The following DNHD1 variants were observed in gnomAD, a reference collection of about 807,000 sequenced individuals.
DNHD1 encodes dynein heavy chain domain-containing protein 1.
A neutral mutation model predicts 458.1 loss-of-function variants in DNHD1; 383 were observed. The ratio of observed to expected loss-of-function variants is 0.84; its 90% CI spans 0.77 to 0.91. DNHD1 has a LOEUF of 0.91. Ranked by LOEUF, DNHD1 falls within the 40% of genes least tolerant of loss-of-function variation. The pLI is 0.00. For synonymous variants in DNHD1, 2,203 were observed against 2,376.9 expected, an observed-to-expected ratio of 0.93 and a Z score of 2.13; for missense variants, 5,336 against 5,866.1, an observed-to-expected ratio of 0.91 and a Z score of 2.95.
chr11:6,519,960 T>TA lies in DNHD1; in HGVS notation c.1648-4dup, dbSNP rs763833968. ...CTCGACCTTTCCTGACCCTTTTTTT[T>TA]ACAGGCCCCAAGGCAGAAACCCTTT... On this transcript the variant is annotated splice_region_variant and splice_polypyrimidine_tract_variant and intron_variant, in intron 8 of 42. Coordinates refer to ENST00000254579, the MANE Select transcript of DNHD1 (RefSeq NM_144666.3). 23 of 1,614,022 alleles carry TA rather than the reference T, an allele frequency of 1.4e-5. No homozygotes were observed. The East Asian group carries it at 5.1e-4, about 36-fold the overall frequency.
chr11:6,565,898 T>G lies in DNHD1; in HGVS notation c.10960T>G (p.Tyr3654Asp). 6.4e-7 allele frequency: 1 copy of G among 1,551,656 alleles called. No homozygotes were observed. ...AGAGAGCCAGGGGTCAAAGCCAGCC[T>G]ATGAGACTCAGCTTCCATCCCTTCC... is the stretch of plus-strand genomic sequence containing the variant. ...KTESQGSKPAYETQLPSLPYL... is the reference protein window; with the variant it reads ...KTESQGSKPADETQLPSLPYL... The change falls in exon 33 of 43, where the codon TAT becomes GAT. Residue 3654 changes from tyrosine (Y) to aspartate (D), a missense_variant. By Grantham distance (160) the Tyr-to-Asp change is radical. Coordinates refer to ENST00000254579, the MANE Select transcript of DNHD1 (RefSeq NM_144666.3).
At chr11:6,520,872 T>A (rs1852592412) in intron 10 of DNHD1, 1 of 986,060 alleles carries the variant, frequency 1.0e-6, no homozygotes, top group Non-Finnish European at 1.2e-6. Flanking sequence ...CAGTCACATC[T>A]GACTCGTCCA....
chr11:6,537,798 G>A (rs190723859), intron 14 of DNHD1, among the ~76,000 whole-genome samples: 2 of 152,294 alleles, frequency 1.3e-5, no homozygotes, highest in African/African-American at 4.8e-5. Context: ...TGACATGGTG[G>A]TGTGCGCCTG....
At chr11:6,503,844 G>A (rs1852182999) in intron 4 of DNHD1, 1 of 152,112 alleles carries the variant, frequency 6.6e-6, no homozygotes, top group Non-Finnish European at 1.5e-5. Context: ...TGTAATAATT[G>A]CCTTTAACCA....
Position 6,510,326 on chromosome 11 carries a change from C to A in DNHD1, c.1236-947C>A, listed in dbSNP as rs188916455. On this transcript the variant is annotated intron_variant, in intron 6 of 42. Transcript: ENST00000254579. ...TCTTGAACTCCTGACCTCAGGTGAT[C>A]CACCCACCTCGACCTCCCAAAGTGC... Among the ~76,000 whole-genome samples the A allele has an allele frequency of 3.9e-5, 6 of 152,236 alleles. No individual in the cohort carries two copies. The East Asian group carries it at 1.2e-3, about 29-fold the overall frequency.
At chr11:6,542,552 G>A (rs950266700) in intron 18 of DNHD1, among the ~76,000 whole-genome samples, 2 of 152,116 alleles carry the variant, frequency 1.3e-5, no homozygotes, top group Non-Finnish European at 2.9e-5. Context: ...CTCCCTATGG[G>A]TTCTCTCCTT....
chr11:6,533,272 C>A, intron 13 of DNHD1, 88 bp downstream of exon 13: 1 of 1,314,234 alleles, frequency 7.6e-7, no homozygotes, highest in Non-Finnish European at 1.0e-6. Flanking sequence ...CTCTGCTGAG[C>A]CCCCAGCAGA....
chr11:6,503,588 A>G (rs537932941), intron 4 of DNHD1: 1 of 152,316 alleles, frequency 6.6e-6, no homozygotes, highest in South Asian at 2.1e-4. Flanking sequence ...GGCTCAAGCA[A>G]TCCTCTCACT....
chr11:6,516,023 G>T (rs961471916), intron 7 of DNHD1, among the ~76,000 whole-genome samples: 3 of 151,808 alleles, frequency 2.0e-5, no homozygotes, highest in Admixed American at 6.6e-5. Flanking sequence ...CCAAGCTCAA[G>T]TGATCCTCCC....
At position 6,571,324 on chromosome 11, in the gene DNHD1, G is replaced by GA. The variant is rs778026468; in HGVS notation, c.13814dup (p.Asn4605LysfsTer10). ...TGCGTGGGGAAGCTGCCCTGGACCA[G>GA]AATGTGCCCAGCTCGAATTTCCCTG... On this transcript the variant is annotated frameshift_variant, in exon 42 of 43. Transcript: ENST00000254579. LOFTEE classifies it high-confidence loss of function. This position sits in a 1 kb window ranked among gnomAD's most constrained non-coding sequence, Gnocchi z 5.0. 1 of 1,612,380 alleles carries GA rather than the reference G, an allele frequency of 6.2e-7. No homozygotes were observed. Among genetic ancestry groups the GA allele is most frequent in the African/African-American group, 1.3e-5 (1 of 74,922 alleles).
At position 6,557,607 on chromosome 11, in the gene DNHD1, A is replaced by G. The variant is rs1853495270; in HGVS notation, c.8312A>G (p.Glu2771Gly). 2 of 1,551,824 alleles carry G rather than the reference A, an allele frequency of 1.3e-6. No individual in the cohort carries two copies. The highest frequency in any genetic ancestry group is 1.7e-4 in the Middle Eastern group (1 of 5,992). The part of the protein sequence containing the change: ...KESISHKIRQ[E>G]KGTRASNYRL... ...AGCATAAGTCACAAGATAAGGCAAG[A>G]GAAAGGCACAAGGGCATCCAACTAT... The change falls in exon 25 of 43, where the codon GAG (glutamate) becomes GGG (glycine). Residue 2771 changes from glutamate to glycine, a missense_variant. Physicochemically the swap from Glu to Gly is moderately conservative, Grantham distance 98 (BLOSUM62 -2). Transcript: ENST00000254579.
At position 6,571,724 on chromosome 11, in the gene DNHD1, C is replaced by T. The variant is rs1853856763; in HGVS notation, c.14000C>T (p.Ala4667Val). ...QVLHAEWDPI[A>V]GALQDSPSSQ... is the part of the protein sequence containing the mutation. ...CTACATGCGGAGTGGGACCCAATAG[C>T]TGGAGCCTTGCAGGACAGTCCTTCC... The change falls in exon 43 of 43, where the codon GCT (alanine) becomes GTT (valine). Residue 4667 changes from alanine (A) to valine (V), a missense_variant. Around this residue, in one of 4 missense-constraint regions of DNHD1, gnomAD observed 698 missense variants for 664.9 expected, o/e 1.05. Coordinates refer to ENST00000254579, the MANE Select transcript of DNHD1 (RefSeq NM_144666.3). The surrounding 1 kb of genome is among the most constrained non-coding windows in gnomAD (Gnocchi z 5.0). The T allele has an allele frequency of 6.2e-7, 1 of 1,612,668 alleles. No homozygotes were observed. Among genetic ancestry groups the T allele is most frequent in the African/African-American group, 1.3e-5 (1 of 74,994 alleles).
chr11:6,537,143 G>A (rs892283142), intron 14 of DNHD1, among the ~76,000 whole-genome samples: 4 of 152,050 alleles, frequency 2.6e-5, no homozygotes, highest in Admixed American at 6.5e-5. Context: ...TGCAAACCTC[G>A]ATATTATAAT....
At chr11:6,556,601 G>T (rs1044569894) in intron 24 of DNHD1, 82 bp from the exon 25 acceptor site, 6 of 1,349,196 alleles carry the variant, frequency 4.4e-6, no homozygotes, top group Non-Finnish European at 6.0e-6. Context: ...TTAGAACCGT[G>T]TGTGGCAGGA....
Position 6,505,352 on chromosome 11 carries a change from A to C in DNHD1, c.920+2426A>C, listed in dbSNP as rs182923841. ...CTCCGCATCTCCGCCTCCCAGGTTCAAGCGATTCTCCTGCCACAGCCTCCC... is the reference window on the plus strand; with the variant it reads ...CTCCGCATCTCCGCCTCCCAGGTTCCAGCGATTCTCCTGCCACAGCCTCCC... On this transcript the variant is annotated intron_variant, in intron 4 of 42. Coordinates refer to ENST00000254579, the MANE Select transcript of DNHD1 (RefSeq NM_144666.3). This position sits in a 1 kb window ranked among gnomAD's most constrained non-coding sequence, Gnocchi z 4.4. 2.8e-3 allele frequency among the ~76,000 whole-genome samples: 433 copies of C among 152,174 alleles called. 5 individuals carry two copies. The highest frequency in any genetic ancestry group is 0.01 in the African/African-American group (417 of 41,508).
At position 6,548,054 on chromosome 11, in the gene DNHD1, T is replaced by C. The variant is rs1373825441; in HGVS notation, c.6905+14T>C. The C allele has an allele frequency of 2.6e-6, 4 of 1,551,330 alleles. No individual in the cohort carries two copies. The African/African-American group carries it at 4.1e-5, about 16-fold the overall frequency. ...CCTTCCCTCCAGGTACCTACCAGGA[T>C]GGGGGATGGGAGATGCAGAGGGCTG... On this transcript the variant is annotated intron_variant, in intron 22 of 42. Transcript: ENST00000254579. This position sits in a 1 kb window ranked among gnomAD's most constrained non-coding sequence, Gnocchi z 4.4.
chr11:6,533,447 G>C (rs4486602), intron 13 of DNHD1, among the ~76,000 whole-genome samples: 5,569 of 152,312 alleles, frequency 0.037, 206 homozygotes, highest in South Asian at 0.13. Flanking sequence ...TGTCATCAAG[G>C]TAATGGGGTG....
chr11:6,505,007 T>C lies in DNHD1; in HGVS notation c.920+2081T>C, dbSNP rs1852202598. On this transcript the variant is annotated intron_variant, in intron 4 of 42. Transcript: ENST00000254579. This position sits in a 1 kb window ranked among gnomAD's most constrained non-coding sequence, Gnocchi z 4.4. ...AACCATGACTGGCTAGTTTTTAAAT[T>C]TTTTGTAGATATGGGATCTCACTTT... Among the ~76,000 whole-genome samples the C allele has an allele frequency of 6.6e-6, 1 of 152,050 alleles. No homozygotes were observed. The highest frequency in any genetic ancestry group is 2.4e-5 in the African/African-American group (1 of 41,394).
intron 4 of DNHD1, chr11:6,503,580 C>T (rs1852178944): frequency 1.3e-5 from 2 of 152,214 alleles, no homozygotes; most frequent in Non-Finnish European, 2.9e-5. Flanking sequence ...ATCTCTCTGG[C>T]TCAAGCAATC....
Sources: allele counts gnomAD v4.1 joint callset (sites outside exome capture counted in the v4.1 genomes callset), GRCh38; gene constraint gnomAD v4.1.1; regional missense constraint gnomAD v4.1.1; non-coding constraint Gnocchi (gnomAD v3.1); transcripts MANE v1.5; gene names NCBI Gene and HGNC (gene_info 2026-07-23, HGNC 2026-07-21).